Variants in PIK3C2G observed in about 807,000 individuals in gnomAD.
The protein encoded by PIK3C2G is phosphatidylinositol-4-phosphate 3-kinase catalytic subunit type 2 gamma, also known as phosphatidylinositol 3-kinase C2 domain-containing subunit gamma.
Under a neutral mutation model 181.1 loss-of-function variants are expected in PIK3C2G, and 168 were observed. That is an observed-to-expected ratio of 0.93 (90% CI 0.82 to 1.05). PIK3C2G has a LOEUF of 1.05. Among genes scored for constraint, PIK3C2G ranks in the 50% least tolerant of loss-of-function variants. The probability of loss-of-function intolerance (pLI) is 0.00; values close to 1 mark genes in which losing one functional copy is unlikely to be tolerated. For synonymous variants in PIK3C2G, 573 were observed against 592.2 expected (o/e 0.97, Z 0.47); for missense variants, 1,869 against 1,732.8 (o/e 1.08, Z -1.40).
At chr12:18,297,740 G>A (rs747475654) in intron 5 of PIK3C2G, among the ~76,000 whole-genome samples, 15 of 151,946 alleles carry the variant, frequency 9.9e-5, no homozygotes, top group Admixed American at 2.0e-4. Flanking sequence ...CTCTAACTCC[G>A]TGAGATAACC....
the PIK3C2G span, among the ~76,000 whole-genome samples, chr12:18,664,487 G>A: frequency 6.6e-6 from 1 of 152,222 alleles, no homozygotes; most frequent in African/African-American, 2.4e-5. Flanking sequence ...TGAACTTAGA[G>A]GGCATTATGC....
chr12:18,681,538 C>T, the PIK3C2G span, among the ~76,000 whole-genome samples: 1 of 151,988 alleles, frequency 6.6e-6, no homozygotes, highest in Non-Finnish European at 1.5e-5. Context: ...GTTAATAGTT[C>T]TTGTGAGAAA....
At chr12:18,497,807 A>C in intron 22 of PIK3C2G, 59 bp downstream of exon 22, 1 of 1,338,848 alleles carries the variant, frequency 7.5e-7, no homozygotes. Flanking sequence ...ATTCACTAGT[A>C]ATAGGCTACG....
intron 22 of PIK3C2G, among the ~76,000 whole-genome samples, chr12:18,500,291 C>T (rs2136100944): frequency 6.6e-6 from 1 of 152,256 alleles, no homozygotes; most frequent in East Asian, 1.9e-4. Context: ...GCACCTTGGC[C>T]AGCGGCGGCG....
Position 18,274,366 on chromosome 12 carries a change from C to T in PIK3C2G, c.-78-7638C>T, listed in dbSNP as rs982455326. ...GACACATGCACATGTATGTTTATTG[C>T]GGCACTATTCCCAATAGCAAAGACT... is the stretch of plus-strand genomic sequence containing the variant. On this transcript the variant is annotated intron_variant, in intron 1 of 32. Coordinates refer to ENST00000538779, the MANE Select transcript of PIK3C2G (RefSeq NM_001288772.2). Among the ~76,000 whole-genome samples, 44 of 152,202 alleles carry T rather than the reference C, an allele frequency of 2.9e-4. No individual in the cohort carries two copies. In the East Asian group the frequency reaches 4.8e-3, roughly 17 times the overall value.
At chr12:18,688,131 T>A in the PIK3C2G span, 1 of 1,611,782 alleles carries the variant, frequency 6.2e-7, no homozygotes. Context: ...ATTTGATCAT[T>A]TGGAACACCA....
At chr12:18,564,414 C>T (rs539080714) in intron 28 of PIK3C2G, among the ~76,000 whole-genome samples, 7 of 150,154 alleles carry the variant, frequency 4.7e-5, no homozygotes, top group Non-Finnish European at 1.0e-4. Flanking sequence ...TTATACTTTA[C>T]CTGGCATACT....
At chr12:18,246,402 T>C (rs1193038110), upstream of PIK3C2G, among the ~76,000 whole-genome samples, 2 of 152,218 alleles carry the variant, frequency 1.3e-5, no homozygotes, top group Non-Finnish European at 2.9e-5. Context: ...TGATGTATTA[T>C]ACTGAGTCCA....
the PIK3C2G span, among the ~76,000 whole-genome samples, chr12:18,658,610 T>G: frequency 6.6e-6 from 1 of 152,162 alleles, no homozygotes. Context: ...GGAGAATTTT[T>G]TAATAGAAAA....
chr12:18,595,075 C>T (rs1026868179), intron 30 of PIK3C2G, among the ~76,000 whole-genome samples: 2 of 151,904 alleles, frequency 1.3e-5, no homozygotes, highest in African/African-American at 2.4e-5. Context: ...TTTAGATTAT[C>T]GGCTACATAT....
chr12:18,574,270 T>G (rs1218463416), intron 29 of PIK3C2G, among the ~76,000 whole-genome samples: 1 of 152,206 alleles, frequency 6.6e-6, no homozygotes, highest in Non-Finnish European at 1.5e-5. Flanking sequence ...CGTTTTGATG[T>G]AAGAGTGAAG....
At chr12:18,300,901 CT>C (rs1950148382) in intron 5 of PIK3C2G, among the ~76,000 whole-genome samples, 1 of 152,134 alleles carries the variant, frequency 6.6e-6, no homozygotes, top group South Asian at 2.1e-4. Context: ...GTGATGAATT[CT>C]CTCAGTTTTT....
intron 25 of PIK3C2G, among the ~76,000 whole-genome samples, chr12:18,539,741 C>A (rs1992838): frequency 0.36 from 54,899 of 151,600 alleles, 10,711 homozygotes; most frequent in East Asian, 0.77. Flanking sequence ...ACAACATATT[C>A]ACCTTACTTC....
intron 12 of PIK3C2G, among the ~76,000 whole-genome samples, chr12:18,368,499 T>C (rs764024146): frequency 1.3e-5 from 2 of 152,220 alleles, no homozygotes; most frequent in Admixed American, 6.5e-5. Flanking sequence ...AGTTTATATA[T>C]TGGCATCTCA....
the PIK3C2G span, chr12:18,695,178 C>T: frequency 8.3e-7 from 1 of 1,206,486 alleles, no homozygotes; most frequent in East Asian, 2.4e-5. Flanking sequence ...TCTATGTCCC[C>T]AAATGTTCTA....
chr12:18,488,553 C>T lies in PIK3C2G; in HGVS notation c.2609C>T (p.Ser870Phe). The change falls in exon 19 of 33, where the codon TCC becomes TTC. Residue 870 changes from serine (S) to phenylalanine (F), a missense_variant. By Grantham distance (155) the Ser-to-Phe change is radical. Transcript: ENST00000538779. The stretch of plus-strand genomic sequence containing the variant: ...GGTAAAGCCTTGAATGATGAGTTTT[C>T]CAAGGAGCAGAAACTTATCAAAATT... Reference protein sequence around the residue: ...CAGKALNDEFSKEQKLIKILG... With the variant: ...CAGKALNDEFFKEQKLIKILG... 6.3e-7 allele frequency: 1 copy of T among 1,590,038 alleles called. No homozygotes were observed. Among genetic ancestry groups the T allele is most frequent in the Non-Finnish European group, 8.6e-7 (1 of 1,167,524 alleles).
At chr12:18,446,252 C>G (rs948042179) in intron 18 of PIK3C2G, among the ~76,000 whole-genome samples, 1 of 152,130 alleles carries the variant, frequency 6.6e-6, no homozygotes, top group Non-Finnish European at 1.5e-5. Context: ...ACCCACTCCA[C>G]CATTTCCCTG....
chr12:18,498,882 C>G (rs1432300564), intron 22 of PIK3C2G, among the ~76,000 whole-genome samples: 1 of 152,166 alleles, frequency 6.6e-6, no homozygotes, highest in Non-Finnish European at 1.5e-5. Flanking sequence ...TCCTTGCTAC[C>G]ATGAGATTGT....
intron 18 of PIK3C2G, among the ~76,000 whole-genome samples, chr12:18,461,959 C>A (rs1447364246): frequency 6.6e-6 from 1 of 152,180 alleles, no homozygotes; most frequent in African/African-American, 2.4e-5. Context: ...TCACTCTGAC[C>A]TCTGCTTCTG....
Sources: gnomAD v4.1 joint callset for allele counts (sites outside exome capture counted in the v4.1 genomes callset) on GRCh38, gnomAD v4.1.1 for gene constraint, MANE v1.5 for transcripts, NCBI Gene and HGNC (gene_info 2026-07-23, HGNC 2026-07-21) for gene names.